WDPCP: variants seen among roughly 807,000 people sequenced by gnomAD.
The protein encoded by WDPCP is WD repeat-containing and planar cell polarity effector protein fritz homolog.
In WDPCP, 71 loss-of-function variants were observed where a neutral mutation model predicts 93.1. That is an observed-to-expected ratio of 0.76 (90% confidence interval 0.63 to 0.93). The LOEUF (loss-of-function observed/expected upper bound fraction) is 0.93. WDPCP is among the 40% of genes least tolerant of loss of function. The probability of loss-of-function intolerance (pLI) is 0.00; values close to 1 mark genes in which losing one functional copy is unlikely to be tolerated. For synonymous variants in WDPCP, 315 were observed against 315.0 expected (o/e 1.00, Z 0.00); for missense variants, 844 against 887.4 (o/e 0.95, Z 0.62).
intron 6 of WDPCP, among the ~76,000 whole-genome samples, chr2:63,472,855 C>T (rs1575485442): frequency 6.6e-6 from 1 of 152,192 alleles, no homozygotes; most frequent in East Asian, 1.9e-4. Flanking sequence ...CCGCCGTGCC[C>T]AGCCAATTAT....
intron 9 of WDPCP, among the ~76,000 whole-genome samples, chr2:63,409,689 G>T (rs901258335): frequency 6.6e-6 from 1 of 152,010 alleles, no homozygotes; most frequent in Admixed American, 6.6e-5. Context: ...GAAATAGAGA[G>T]CTTAAAGAAA....
chr2:63,597,517 G>GA, intron 3 of WDPCP: 4 of 1,508,568 alleles, frequency 2.7e-6, no homozygotes, highest in Non-Finnish European at 2.7e-6. Context: ...AAGCAAATGT[G>GA]AAAATCTTCA....
intron 12 of WDPCP, among the ~76,000 whole-genome samples, chr2:63,315,788 T>TG (rs1420224188): frequency 6.6e-6 from 1 of 152,098 alleles, no homozygotes; most frequent in African/African-American, 2.4e-5. Context: ...GACTGGGTCT[T>TG]GCTCTGTTAC....
intron 2 of WDPCP, among the ~76,000 whole-genome samples, chr2:63,793,470 G>GT (rs140547997): frequency 1.4e-3 from 217 of 152,262 alleles, no homozygotes; most frequent in African/African-American, 5.1e-3. Flanking sequence ...AATTAGCCAG[G>GT]TGTAGTGGCC....
intron 14 of WDPCP, among the ~76,000 whole-genome samples, chr2:63,209,927 G>T (rs2104399065): frequency 6.6e-6 from 1 of 152,188 alleles, no homozygotes; most frequent in Non-Finnish European, 1.5e-5. Flanking sequence ...ATTATATTTT[G>T]TTAAAAATAT....
At chr2:63,665,872 C>T (rs1156493766) in intron 2 of WDPCP, among the ~76,000 whole-genome samples, 1 of 152,214 alleles carries the variant, frequency 6.6e-6, no homozygotes, top group Non-Finnish European at 1.5e-5. Flanking sequence ...GAAGGCAGAT[C>T]CCTGCATAGC....
intron 2 of WDPCP, among the ~76,000 whole-genome samples, chr2:63,789,409 G>T (rs966984992): frequency 3.9e-5 from 6 of 152,094 alleles, no homozygotes; most frequent in Non-Finnish European, 5.9e-5. Context: ...TGGCAAATTA[G>T]GTATTTGTTG....
At chr2:63,338,546 C>G (rs1688566547) in intron 12 of WDPCP, among the ~76,000 whole-genome samples, 1 of 105,886 alleles carries the variant, frequency 9.4e-6, no homozygotes, top group Admixed American at 1.2e-4. Flanking sequence ...GAGCAAAACT[C>G]CATCTAAAAA....
At chr2:63,200,276 G>A (rs1344448692) in intron 14 of WDPCP, among the ~76,000 whole-genome samples, 1 of 152,130 alleles carries the variant, frequency 6.6e-6, no homozygotes, top group African/African-American at 2.4e-5. Context: ...TGGAGAACAG[G>A]TTGGAGGTTC....
chr2:63,460,994 G>T (rs1231708573), intron 6 of WDPCP, among the ~76,000 whole-genome samples: 1 of 152,156 alleles, frequency 6.6e-6, no homozygotes, highest in Non-Finnish European at 1.5e-5. Flanking sequence ...AAAGGATAAA[G>T]CTTCTCTGGG....
intron 12 of WDPCP, among the ~76,000 whole-genome samples, chr2:63,327,235 T>G (rs1194589274): frequency 2.0e-5 from 3 of 152,206 alleles, no homozygotes; most frequent in African/African-American, 7.2e-5. Flanking sequence ...TGCTCAAACC[T>G]GCGAGTTGTT....
chr2:63,662,065 C>T (rs74973881), intron 2 of WDPCP, among the ~76,000 whole-genome samples: 3,059 of 152,168 alleles, frequency 0.02, 53 homozygotes, highest in Non-Finnish European at 0.028. Context: ...ATGGTGGTCA[C>T]ATAATCTAAT....
intron 12 of WDPCP, among the ~76,000 whole-genome samples, chr2:63,351,210 G>A (rs543096099): frequency 3.9e-5 from 6 of 152,190 alleles, no homozygotes; most frequent in Admixed American, 3.9e-4. Context: ...TTGAACTCCT[G>A]ACCTCAAGTG....
chr2:63,659,223 TG>T (rs1349084820), intron 2 of WDPCP, among the ~76,000 whole-genome samples: 2 of 152,202 alleles, frequency 1.3e-5, no homozygotes, highest in East Asian at 3.8e-4. Flanking sequence ...CACGTTTAAC[TG>T]GAAGTTTCAG....
At chr2:63,575,461 A>ATATACAGTGTATGCACTG (rs1319280600) in intron 1 of WDPCP, among the ~76,000 whole-genome samples, 2 of 17,268 alleles carry the variant, frequency 1.2e-4, no homozygotes, top group Non-Finnish European at 1.9e-4. Context: ...TATATACAGT[A>ATATACAGTGTATGCACTG]TATATGCAGT....
chr2:63,674,784 T>C (rs2106635285), intron 2 of WDPCP, among the ~76,000 whole-genome samples: 1 of 152,342 alleles, frequency 6.6e-6, no homozygotes, highest in South Asian at 2.1e-4. Flanking sequence ...AATTCAAATT[T>C]TGACTCTCAT....
intron 1 of WDPCP, among the ~76,000 whole-genome samples, chr2:63,544,594 T>C (rs905081413): frequency 6.6e-6 from 1 of 152,152 alleles, no homozygotes; most frequent in African/African-American, 2.4e-5. Context: ...ACCATTTTCA[T>C]GGGCAAAAGC....
At chr2:63,533,380 C>A (rs1704010903) in intron 1 of WDPCP, among the ~76,000 whole-genome samples, 1 of 152,194 alleles carries the variant, frequency 6.6e-6, no homozygotes, top group African/African-American at 2.4e-5. Flanking sequence ...CTACAGAATT[C>A]TCCACCCCAG....
chr2:63,604,740 C>A, intron 3 of WDPCP: 1 of 1,614,058 alleles, frequency 6.2e-7, no homozygotes, highest in South Asian at 1.1e-5. Context: ...TAAAGAATGT[C>A]ATTATCTGGG....
Sources: allele counts gnomAD v4.1 joint callset (sites outside exome capture counted in the v4.1 genomes callset), GRCh38; gene constraint gnomAD v4.1.1; transcripts MANE v1.5; gene names NCBI Gene and HGNC (gene_info 2026-07-23, HGNC 2026-07-21).